The following DGKH variants were observed in gnomAD, a reference collection of about 807,000 sequenced individuals.
DGKH encodes the protein DAG kinase eta.
DGKH carries 90 observed loss-of-function variants against 159.3 expected under a neutral mutation model. The observed-to-expected ratio is 0.57, with a 90% CI of 0.48 to 0.67. The LOEUF is 0.67. Among genes scored for constraint, DGKH ranks in the 30% least tolerant of loss-of-function variants. The pLI, the probability that DGKH is intolerant of heterozygous loss-of-function variation, is 0.00. For synonymous variants in DGKH, 536 were observed against 553.8 expected (o/e 0.97, Z 0.45); for missense variants, 1,181 against 1,506.1 (o/e 0.78, Z 3.57).
downstream of DGKH, among the ~76,000 whole-genome samples, chr13:42,243,491 T>C (rs1958551309): frequency 6.6e-6 from 1 of 152,166 alleles, no homozygotes; most frequent in African/African-American, 2.4e-5. Flanking sequence ...TTGTCTCTAG[T>C]GGTAATGATC....
At chr13:42,120,134 G>C (rs756855119) in intron 1 of DGKH, among the ~76,000 whole-genome samples, 3 of 152,190 alleles carry the variant, frequency 2.0e-5, no homozygotes, top group Non-Finnish European at 4.4e-5. Flanking sequence ...GGTTATTGAG[G>C]TGTGGGTGCT....
chr13:42,134,803 C>G (rs1214340755), intron 3 of DGKH, among the ~76,000 whole-genome samples: 1 of 151,932 alleles, frequency 6.6e-6, no homozygotes. Flanking sequence ...AGGCGAACCC[C>G]CCTTGTCTAC....
At chr13:42,113,765 A>G (rs1954913306) in intron 1 of DGKH, among the ~76,000 whole-genome samples, 1 of 152,232 alleles carries the variant, frequency 6.6e-6, no homozygotes, top group Non-Finnish European at 1.5e-5. Flanking sequence ...GAGTTCCGGC[A>G]TGGCTACGGG....
chr13:42,168,636 T>C, intron 10 of DGKH, 43 bp from the exon 11 acceptor site: 2 of 1,613,848 alleles, frequency 1.2e-6, no homozygotes, highest in Non-Finnish European at 1.7e-6. Flanking sequence ...TAGTCCCTAT[T>C]TCTCAACTTG....
intron 1 of DGKH, chr13:42,068,989 T>G (rs1033308758): frequency 6.7e-7 from 1 of 1,481,872 alleles, no homozygotes; most frequent in Non-Finnish European, 9.4e-7. Flanking sequence ...AGGGGAAGAT[T>G]TCATAGCAGA....
Position 42,231,115 on chromosome 13 carries a change from G to A in DGKH, c.*1927G>A, listed in dbSNP as rs1958280870. ...CACGCCTGTAATCCCAGCACTTCGG[G>A]AGGTTTAGGTGGGTAGATCACCGGA... is the stretch of plus-strand genomic sequence containing the variant. On this transcript the variant is annotated 3_prime_UTR_variant, in exon 30 of 30. Transcript: ENST00000337343. 6.6e-6 allele frequency: 1 copy of A among 152,216 alleles called. No individual in the cohort carries two copies. Among genetic ancestry groups the A allele is most frequent in the Admixed American group, 6.5e-5 (1 of 15,284 alleles). The allele number at this position is 152,216 out of a possible 1,614,324, so 9.4% of individuals were successfully genotyped here.
downstream of DGKH, among the ~76,000 whole-genome samples, chr13:42,243,702 G>A (rs7988912): frequency 5.9e-4 from 90 of 152,292 alleles, no homozygotes; most frequent in African/African-American, 2.1e-3. Context: ...TGAAGTATGT[G>A]TGTGAGAAAG....
rs1566134319 is a variant in DGKH, at chr13:42,151,492, T to TATATATATACAC, written c.385-3799_385-3798insATATATATACAC. The stretch of plus-strand genomic sequence containing the variant: ...TAGTATTCCATGGTGTGTGTGTGTG[T>TATATATATACAC]GTGTGTGTGTGTGTATACACATGTA... On this transcript the variant is annotated intron_variant, in intron 3 of 29. Transcript: ENST00000337343. 8.4e-5 allele frequency among the ~76,000 whole-genome samples: 10 copies of TATATATATACAC among 118,562 alleles called. No individual in the cohort carries two copies. In the East Asian group the frequency reaches 2.1e-3, roughly 25 times the overall value. The allele number at this position is 118,562 out of a possible 152,430, so 77.8% of individuals were successfully genotyped here. A position where few individuals can be genotyped will look rare whatever the true frequency, so the allele number is the denominator to read the frequency against.
At chr13:42,090,228 A>T (rs1594012745) in intron 1 of DGKH, among the ~76,000 whole-genome samples, 1 of 152,210 alleles carries the variant, frequency 6.6e-6, no homozygotes, top group African/African-American at 2.4e-5. Flanking sequence ...AAAAAACTGT[A>T]TGCAAAATTG....
chr13:42,229,407 C>A lies in DGKH; in HGVS notation c.*219C>A. Reference sequence around the variant, plus strand: ...TCCACAAAGCCATTTTCTTTTTGTGCAAACCTGACATGTTCAAATATATTC... The same window carrying A: ...TCCACAAAGCCATTTTCTTTTTGTGAAAACCTGACATGTTCAAATATATTC... On this transcript the variant is annotated 3_prime_UTR_variant, in exon 30 of 30. Coordinates refer to ENST00000337343, the MANE Select transcript of DGKH (RefSeq NM_178009.5). The A allele has an allele frequency of 2.1e-6, 1 of 468,426 alleles. No homozygotes were observed. The highest frequency in any genetic ancestry group is 3.7e-6 in the Non-Finnish European group (1 of 267,238). 29.0% of individuals were successfully genotyped at this position (468,426 alleles called of 1,614,324 possible). A position where few individuals can be genotyped will look rare whatever the true frequency, so the allele number is the denominator to read the frequency against.
In DGKH at chr13:42,168,760, A is replaced by AC. The variant is rs1956370246; in HGVS notation, c.1312dup (p.Gln438ProfsTer26). ...CTGGGGAGGTTCATATGACGATGAC[A>AC]CCCAACTTCCTCAGATCCTAGAGAA... On this transcript the variant is annotated frameshift_variant, in exon 11 of 30. Coordinates refer to ENST00000337343, the MANE Select transcript of DGKH (RefSeq NM_178009.5). LOFTEE classifies it high-confidence loss of function. 1 of 1,613,968 alleles carries AC rather than the reference A, an allele frequency of 6.2e-7. No homozygotes were observed. Among genetic ancestry groups the AC allele is most frequent in the Non-Finnish European group, 8.5e-7 (1 of 1,180,004 alleles).
At chr13:42,190,612 A>G in intron 16 of DGKH, 87 bp downstream of exon 16, 2 of 1,334,108 alleles carry the variant, frequency 1.5e-6, no homozygotes, top group Non-Finnish European at 2.0e-6. Context: ...GTTTGAAAAA[A>G]ACTATTTGTA....
At chr13:42,095,615 T>C (rs568501361) in intron 1 of DGKH, among the ~76,000 whole-genome samples, 44 of 152,338 alleles carry the variant, frequency 2.9e-4, no homozygotes, top group African/African-American at 1.0e-3. Context: ...ATATTCCCTC[T>C]CCTTCAAAGA....
intron 29 of DGKH, among the ~76,000 whole-genome samples, chr13:42,223,440 AAATT>A (rs979580142): frequency 2.3e-4 from 35 of 152,238 alleles, no homozygotes; most frequent in African/African-American, 7.7e-4. Flanking sequence ...TGCTTTTTAA[AAATT>A]AATTTATTTT....
At chr13:42,064,509 G>A (rs1282131634) in intron 1 of DGKH, among the ~76,000 whole-genome samples, 2 of 152,124 alleles carry the variant, frequency 1.3e-5, no homozygotes, top group Non-Finnish European at 2.9e-5. Context: ...GGTGGATACA[G>A]TAACAAGCTC....
chr13:42,155,599 C>A lies in DGKH; in HGVS notation c.490-68C>A, dbSNP rs760236266. 570 of 1,606,396 alleles carry A rather than the reference C, an allele frequency of 3.5e-4. 1 individual carries two copies. Among genetic ancestry groups the A allele is most frequent in the Non-Finnish European group, 4.6e-4 (546 of 1,174,880 alleles). ...AAATTTGACCATAACTATATGCATT[C>A]CAAACAGTTCAGCATCTGTAGCCTT... On this transcript the variant is annotated intron_variant, in intron 4 of 29. Coordinates refer to ENST00000337343, the MANE Select transcript of DGKH (RefSeq NM_178009.5).
At chr13:42,152,403 G>T (rs1225561634) in intron 3 of DGKH, among the ~76,000 whole-genome samples, 4 of 150,916 alleles carry the variant, frequency 2.7e-5, no homozygotes, top group Non-Finnish European at 5.9e-5. Flanking sequence ...AGAAATGGGG[G>T]TTTATTATTG....
upstream of DGKH, among the ~76,000 whole-genome samples, chr13:42,047,294 T>A (rs2324848): frequency 0.37 from 56,220 of 152,008 alleles, 11,443 homozygotes; most frequent in African/African-American, 0.55. Context: ...AGCTCTAATA[T>A]ATCAAATTTC....
chr13:42,125,897 G>A (rs1346842652), intron 1 of DGKH, among the ~76,000 whole-genome samples: 2 of 151,944 alleles, frequency 1.3e-5, no homozygotes, highest in African/African-American at 4.9e-5. Flanking sequence ...TGGAGATATT[G>A]TCAGTGTGCA....
Sources: gnomAD v4.1 joint callset for allele counts (sites outside exome capture counted in the v4.1 genomes callset) on GRCh38, gnomAD v4.1.1 for gene constraint, MANE v1.5 for transcripts, NCBI Gene and HGNC (gene_info 2026-07-23, HGNC 2026-07-21) for gene names.